The following GRID2 variants were observed in gnomAD, a reference collection of about 807,000 sequenced individuals.
GRID2 encodes glutamate receptor ionotropic, delta-2.
Under a neutral mutation model 114.8 loss-of-function variants are expected in GRID2, and 33 were observed. That is an observed-to-expected ratio of 0.29 (90% confidence interval 0.22 to 0.38). The LOEUF (loss-of-function observed/expected upper bound fraction) is 0.38, where lower values mean the gene tolerates loss of function less well. Among genes scored for constraint, GRID2 ranks in the 10% least tolerant of loss-of-function variants. The pLI is 1.00. For missense variants in GRID2, 1,184 were observed against 1,257.7 expected, an observed-to-expected ratio of 0.94 and a Z score of 0.89; for synonymous variants, 505 against 449.9, an observed-to-expected ratio of 1.12 and a Z score of -1.55.
chr4:92,447,772 C>G (rs187911915), intron 1 of GRID2, among the ~76,000 whole-genome samples: 69 of 152,250 alleles, frequency 4.5e-4, no homozygotes, highest in Non-Finnish European at 4.6e-4. Context: ...AGCAAGCTAA[C>G]ATTCTGAGTT....
At chr4:92,475,094 A>C (rs1035769682) in intron 1 of GRID2, among the ~76,000 whole-genome samples, 1 of 148,342 alleles carries the variant, frequency 6.7e-6, no homozygotes, top group South Asian at 2.1e-4. Flanking sequence ...CATTGTGCAT[A>C]TGTACCCTAA....
chr4:92,519,914 G>A (rs1216756257), intron 1 of GRID2, among the ~76,000 whole-genome samples: 1 of 151,760 alleles, frequency 6.6e-6, no homozygotes, highest in African/African-American at 2.4e-5. Context: ...CACCCATATT[G>A]GGGGGCGGAA....
chr4:92,690,135 C>T (rs147306909), intron 2 of GRID2, among the ~76,000 whole-genome samples: 41 of 152,000 alleles, frequency 2.7e-4, no homozygotes, highest in African/African-American at 9.4e-4. Context: ...TAGTTTTGGC[C>T]TCTCTCTGAT....
intron 13 of GRID2, among the ~76,000 whole-genome samples, chr4:93,575,663 C>T (rs190115721): frequency 1.3e-5 from 2 of 152,114 alleles, no homozygotes; most frequent in East Asian, 3.9e-4. Context: ...AGTGCAGGTC[C>T]AGAATAAATT....
At position 92,651,673 on chromosome 4, in the gene GRID2, G is replaced by A. The variant is rs932877680; in HGVS notation, c.244+61387G>A. 3.3e-5 allele frequency among the ~76,000 whole-genome samples: 5 copies of A among 152,020 alleles called. No individual in the cohort carries two copies. The South Asian group carries it at 8.3e-4, about 25-fold the overall frequency. On this transcript the variant is annotated intron_variant, in intron 2 of 15. Coordinates refer to ENST00000282020, the MANE Select transcript of GRID2 (RefSeq NM_001510.4). ...TTCCTTCCAAGTCCCAGAATAGCCA[G>A]CCAAATCATTGGCTACAGCCCATGA...
chr4:92,579,547 G>A (rs904125453), intron 1 of GRID2, among the ~76,000 whole-genome samples: 1 of 151,764 alleles, frequency 6.6e-6, no homozygotes, highest in Non-Finnish European at 1.5e-5. Context: ...GTTTATATAG[G>A]ATAAAAACTA....
At chr4:92,446,888 C>G (rs1434843760) in intron 1 of GRID2, among the ~76,000 whole-genome samples, 1 of 152,136 alleles carries the variant, frequency 6.6e-6, no homozygotes, top group Non-Finnish European at 1.5e-5. Context: ...GAAGTAACAC[C>G]AATTCCTTGA....
At chr4:92,959,075 TCCTTAGCCTGGCTAAAGGCATACAGA>T (rs1752617728) in intron 2 of GRID2, among the ~76,000 whole-genome samples, 1 of 149,746 alleles carries the variant, frequency 6.7e-6, no homozygotes, top group African/African-American at 2.4e-5. Flanking sequence ...TTTTTTTTTT[TCCTTAGCCTGGCTAAAGGCATACAGA>T]TTTTATTGAT....
intron 1 of GRID2, among the ~76,000 whole-genome samples, chr4:93,793,324 C>G (rs1220385446): frequency 6.6e-6 from 1 of 152,046 alleles, no homozygotes; most frequent in Non-Finnish European, 1.5e-5. Flanking sequence ...CCCTCCTTCC[C>G]TAAGAGATTA....
At chr4:92,760,700 G>A (rs968067170) in intron 2 of GRID2, among the ~76,000 whole-genome samples, 3 of 152,100 alleles carry the variant, frequency 2.0e-5, no homozygotes, top group Non-Finnish European at 2.9e-5. Flanking sequence ...TCTGTTTCCT[G>A]GGAGACCTCA....
At chr4:92,871,062 C>T (rs564038502) in intron 2 of GRID2, among the ~76,000 whole-genome samples, 4 of 152,110 alleles carry the variant, frequency 2.6e-5, no homozygotes, top group African/African-American at 7.2e-5. Context: ...CATTTCTCTC[C>T]CTTTTTCATT....
At chr4:93,663,116 C>T (rs1191187922) in intron 14 of GRID2, among the ~76,000 whole-genome samples, 1 of 152,138 alleles carries the variant, frequency 6.6e-6, no homozygotes, top group Non-Finnish European at 1.5e-5. Flanking sequence ...AACTCTAATT[C>T]TGAGTTTTAC....
intron 14 of GRID2, among the ~76,000 whole-genome samples, chr4:93,650,753 T>C (rs1224084960): frequency 6.6e-6 from 1 of 152,074 alleles, no homozygotes; most frequent in Non-Finnish European, 1.5e-5. Context: ...TAGAAAAATG[T>C]AAAAAATAAA....
intron 1 of GRID2, among the ~76,000 whole-genome samples, chr4:92,346,482 A>C (rs377035370): frequency 2.6e-5 from 4 of 152,082 alleles, no homozygotes; most frequent in African/African-American, 9.6e-5. Flanking sequence ...TTCCCACCTC[A>C]GCCCCCACAA....
intron 1 of GRID2, among the ~76,000 whole-genome samples, chr4:92,318,884 A>C (rs1248035325): frequency 1.3e-5 from 2 of 152,092 alleles, no homozygotes; most frequent in Non-Finnish European, 1.5e-5. Context: ...CATTTAGAAC[A>C]GCATCTTTGA....
chr4:93,138,579 A>G (rs1735484393), intron 4 of GRID2, among the ~76,000 whole-genome samples: 1 of 152,142 alleles, frequency 6.6e-6, no homozygotes, highest in Non-Finnish European at 1.5e-5. Context: ...ATACTGCTGT[A>G]ACTACTCCCT....
chr4:92,835,929 G>A (rs1444572890), intron 2 of GRID2, among the ~76,000 whole-genome samples: 1 of 151,972 alleles, frequency 6.6e-6, no homozygotes, highest in Non-Finnish European at 1.5e-5. Flanking sequence ...TTTGATTGTG[G>A]AATACTTCTA....
intron 13 of GRID2, among the ~76,000 whole-genome samples, chr4:93,554,787 A>C (rs549491538): frequency 6.6e-6 from 1 of 152,268 alleles, no homozygotes; most frequent in African/African-American, 2.4e-5. Context: ...CATTACCAGA[A>C]AGAAATACCT....
In GRID2 at chr4:92,784,747, A is replaced by G. The variant is rs147519557; in HGVS notation, c.244+194461A>G. On this transcript the variant is annotated intron_variant, in intron 2 of 15. Coordinates refer to ENST00000282020, the MANE Select transcript of GRID2 (RefSeq NM_001510.4). Reference sequence around the variant, plus strand: ...TTATGTCTATATTTCTTTTCAAGCTATCATTGATCCAAATACAGTGAAAAA... The same window carrying G: ...TTATGTCTATATTTCTTTTCAAGCTGTCATTGATCCAAATACAGTGAAAAA... 1.0e-3 allele frequency among the ~76,000 whole-genome samples: 159 copies of G among 152,056 alleles called. 2 individuals carry two copies. The highest frequency in any genetic ancestry group is 1.6e-3 in the Non-Finnish European group (109 of 67,912).
Sources: allele counts gnomAD v4.1 joint callset (sites outside exome capture counted in the v4.1 genomes callset), GRCh38; gene constraint gnomAD v4.1.1; transcripts MANE v1.5; gene names NCBI Gene and HGNC (gene_info 2026-07-23, HGNC 2026-07-21).